The following TRIM9 variants were observed in gnomAD, a reference collection of about 807,000 sequenced individuals.
TRIM9 encodes the protein tripartite motif containing 9.
TRIM9 carries 26 observed loss-of-function variants against 78.3 expected under a neutral mutation model. The ratio of observed to expected loss-of-function variants is 0.33; its 90% CI spans 0.24 to 0.46. TRIM9 has a LOEUF of 0.46. Ranked by LOEUF, TRIM9 falls within the 20% of genes least tolerant of loss-of-function variation. The pLI, the probability that TRIM9 is intolerant of heterozygous loss-of-function variation, is 1.00. For synonymous variants in TRIM9, 398 were observed against 416.5 expected (o/e 0.96, Z 0.54); for missense variants, 787 against 1,036.4 (o/e 0.76, Z 3.30).
chr14:51,021,533 A>C (rs1445536084), intron 3 of TRIM9, among the ~76,000 whole-genome samples: 2 of 152,218 alleles, frequency 1.3e-5, no homozygotes, highest in African/African-American at 4.8e-5. Flanking sequence ...TAAGGGCAGA[A>C]GTCCTTCTGA....
intron 1 of TRIM9, among the ~76,000 whole-genome samples, chr14:51,080,481 G>A (rs1246327145): frequency 1.5e-5 from 2 of 131,752 alleles, no homozygotes; most frequent in East Asian, 4.6e-4. Context: ...ACACACACAC[G>A]GAGAAACAAC....
chr14:51,018,784 A>G (rs2057467872), intron 3 of TRIM9, among the ~76,000 whole-genome samples: 1 of 152,216 alleles, frequency 6.6e-6, no homozygotes. Context: ...ACACATGGAA[A>G]CTGAAAGCTA....
intron 1 of TRIM9, among the ~76,000 whole-genome samples, chr14:51,033,688 G>T (rs1236191150): frequency 2.6e-5 from 4 of 152,034 alleles, no homozygotes; most frequent in East Asian, 1.9e-4. Flanking sequence ...CTTCCTCTTT[G>T]TCACAAGAAT....
intron 1 of TRIM9, among the ~76,000 whole-genome samples, chr14:51,051,111 T>C (rs1423725393): frequency 6.6e-6 from 1 of 152,232 alleles, no homozygotes; most frequent in Non-Finnish European, 1.5e-5. Flanking sequence ...ACTCTAAGCA[T>C]GATGAAAAGT....
chr14:51,080,933 T>C (rs569088604), intron 1 of TRIM9, among the ~76,000 whole-genome samples: 2 of 152,362 alleles, frequency 1.3e-5, no homozygotes, highest in African/African-American at 2.4e-5. Flanking sequence ...AGATGGACTT[T>C]ATCCAAGTTC....
intron 3 of TRIM9, among the ~76,000 whole-genome samples, chr14:51,015,826 T>G (rs1358228212): frequency 6.6e-6 from 1 of 152,166 alleles, no homozygotes; most frequent in Non-Finnish European, 1.5e-5. Context: ...CCTATAGTAC[T>G]CTCTCTCATC....
rs1410877271 is a variant in TRIM9, at chr14:51,009,069, C to T, written c.1306+11G>A. The T allele has an allele frequency of 2.5e-6, 4 of 1,613,196 alleles. No individual in the cohort carries two copies. Among genetic ancestry groups the T allele is most frequent in the East Asian group, 2.2e-5 (1 of 44,882 alleles). On this transcript the variant is annotated intron_variant, in intron 5 of 12. Transcript: ENST00000684578. ...ATGTTGCTCTCTGACTTGGGGGATG[C>T]AAGGACATACCTTTCACTTGCACGA...
chr14:51,006,182 C>T (rs749998289), intron 5 of TRIM9, among the ~76,000 whole-genome samples: 5 of 152,166 alleles, frequency 3.3e-5, no homozygotes, highest in Non-Finnish European at 5.9e-5. Context: ...ATTTTAACTT[C>T]CTCCTGTAAT....
intron 1 of TRIM9, among the ~76,000 whole-genome samples, chr14:51,083,604 G>T (rs2063504463): frequency 6.6e-6 from 1 of 151,990 alleles, no homozygotes; most frequent in Non-Finnish European, 1.5e-5. Context: ...GAGTTAAGAT[G>T]CTTGCATTCA....
intron 12 of TRIM9, chr14:50,978,964 AG>A: frequency 9.0e-7 from 1 of 1,107,022 alleles, no homozygotes; most frequent in Non-Finnish European, 1.1e-6. Context: ...AGTGCAGAGA[AG>A]ATGCTCAGAT....
chr14:51,054,827 C>A lies in TRIM9; in HGVS notation c.823-29467G>T, dbSNP rs2060762826. On this transcript the variant is annotated intron_variant, in intron 1 of 12. Transcript: ENST00000684578. ...GTGCTGCGATTACAGGCGTGAGCCA[C>A]TGTGCCTGGCCTCTTTTTTTGAGAC... 2.0e-5 allele frequency among the ~76,000 whole-genome samples: 3 copies of A among 151,930 alleles called. No individual in the cohort carries two copies. In the South Asian group the frequency reaches 6.2e-4, roughly 32 times the overall value.
intron 11 of TRIM9, among the ~76,000 whole-genome samples, chr14:50,981,547 G>A (rs1465049693): frequency 2.0e-5 from 3 of 152,188 alleles, no homozygotes; most frequent in Non-Finnish European, 2.9e-5. Context: ...TATCCATTGG[G>A]ATTCTTAGTT....
At chr14:51,053,862 A>T (rs2060664106) in intron 1 of TRIM9, among the ~76,000 whole-genome samples, 1 of 152,180 alleles carries the variant, frequency 6.6e-6, no homozygotes, top group African/African-American at 2.4e-5. Flanking sequence ...TATTGCCCAA[A>T]GTAAAGACTA....
At chr14:50,992,346 G>A (rs968031786) in intron 7 of TRIM9, among the ~76,000 whole-genome samples, 3 of 152,106 alleles carry the variant, frequency 2.0e-5, no homozygotes, top group Non-Finnish European at 4.4e-5. Context: ...GGGAGGTCAA[G>A]GCATGAGGAT....
chr14:51,031,213 A>T (rs115585297), intron 1 of TRIM9, among the ~76,000 whole-genome samples: 1,860 of 152,026 alleles, frequency 0.012, 38 homozygotes, highest in African/African-American at 0.042. Context: ...TCCTTGACCA[A>T]GTTATAGCCA....
At chr14:51,023,560 C>G (rs560514776) in intron 2 of TRIM9, among the ~76,000 whole-genome samples, 1 of 152,284 alleles carries the variant, frequency 6.6e-6, no homozygotes, top group African/African-American at 2.4e-5. Flanking sequence ...CAACACCTTG[C>G]AGGGGAAAGG....
At chr14:51,089,303 C>T (rs2064089727) in intron 1 of TRIM9, 3 of 152,152 alleles carry the variant, frequency 2.0e-5, no homozygotes, top group Admixed American at 2.0e-4. Context: ...GTTATAGGTT[C>T]TTCTATCCTT....
intron 1 of TRIM9, among the ~76,000 whole-genome samples, chr14:51,052,761 C>T (rs1596274249): frequency 6.6e-6 from 1 of 152,152 alleles, no homozygotes; most frequent in South Asian, 2.1e-4. Context: ...GACGTCATTG[C>T]CCATAAATCA....
intron 1 of TRIM9, among the ~76,000 whole-genome samples, chr14:51,069,087 G>A (rs981788957): frequency 6.6e-6 from 1 of 152,160 alleles, no homozygotes; most frequent in African/African-American, 2.4e-5. Flanking sequence ...ATTTTAATAA[G>A]AATAAAGGAA....
Sources: allele counts gnomAD v4.1 joint callset (sites outside exome capture counted in the v4.1 genomes callset), GRCh38; gene constraint gnomAD v4.1.1; transcripts MANE v1.5; gene names NCBI Gene and HGNC (gene_info 2026-07-23, HGNC 2026-07-21).